AUH: variants seen among roughly 807,000 people sequenced by gnomAD.
The protein encoded by AUH is methylglutaconyl-CoA hydratase, mitochondrial.
Under a neutral mutation model 42.3 loss-of-function variants are expected in AUH, and 29 were observed. The ratio of observed to expected loss-of-function variants is 0.69; its 90% CI spans 0.51 to 0.93. The LOEUF is 0.93. Ranked by LOEUF, AUH falls within the 40% of genes least tolerant of loss-of-function variation. The probability of loss-of-function intolerance (pLI) is 0.00; values close to 1 mark genes in which losing one functional copy is unlikely to be tolerated. For missense variants in AUH, 452 were observed against 438.1 expected (o/e 1.03, Z -0.28); for synonymous variants, 174 against 166.4 (o/e 1.05, Z -0.35).
At chr9:91,284,161 C>T (rs1395315645) in intron 6 of AUH, among the ~76,000 whole-genome samples, 4 of 152,040 alleles carry the variant, frequency 2.6e-5, no homozygotes, top group Non-Finnish European at 5.9e-5. Flanking sequence ...TAATACCACA[C>T]ATCTACAACC....
At position 91,361,491 on chromosome 9, in the gene AUH, G is replaced by A. The variant is rs1832848356; in HGVS notation, c.262+137C>T. The A allele has an allele frequency of 1.0e-5, 13 of 1,250,560 alleles. No homozygotes were observed. The Admixed American group carries it at 3.2e-4, about 31-fold the overall frequency. 77.5% of individuals were successfully genotyped at this position (1,250,560 alleles called of 1,614,324 possible). A position where few individuals can be genotyped will look rare whatever the true frequency, so the allele number is the denominator to read the frequency against. ...CCACGCTGGGTGAGTAGGGAGGTGA[G>A]AAAGGGGAGGGACCCAGGTTCGGTG... is the stretch of plus-strand genomic sequence containing the variant. On this transcript the variant is annotated intron_variant, in intron 1 of 9. Transcript: ENST00000375731.
chr9:91,282,654 C>T (rs1826063361), intron 6 of AUH, among the ~76,000 whole-genome samples: 2 of 152,148 alleles, frequency 1.3e-5, no homozygotes, highest in South Asian at 4.1e-4. Flanking sequence ...CACGGAAATA[C>T]AAACTACCAT....
At chr9:91,217,140 G>A (rs780228199) in intron 8 of AUH, 137 bp downstream of exon 8, 1 of 869,376 alleles carries the variant, frequency 1.2e-6, no homozygotes, top group Non-Finnish European at 1.8e-6. Context: ...AGGAACTTCA[G>A]TAGCTTTCAG....
intron 6 of AUH, among the ~76,000 whole-genome samples, chr9:91,245,136 C>A (rs1828723999): frequency 1.3e-5 from 2 of 152,236 alleles, no homozygotes; most frequent in South Asian, 2.1e-4. Flanking sequence ...GACACAGTTG[C>A]ATGGCACAAG....
intron 6 of AUH, among the ~76,000 whole-genome samples, chr9:91,293,475 C>T (rs1429600424): frequency 6.6e-6 from 1 of 152,192 alleles, no homozygotes; most frequent in Non-Finnish European, 1.5e-5. Context: ...TAAAGAAGAT[C>T]AAACTAGCCA....
Position 91,331,597 on chromosome 9 carries a change from C to G in AUH, c.419-6193G>C, listed in dbSNP as rs184953405. 2.6e-4 allele frequency among the ~76,000 whole-genome samples: 40 copies of G among 152,240 alleles called. No homozygotes were observed. The East Asian group carries it at 7.3e-3, about 28-fold the overall frequency. On this transcript the variant is annotated intron_variant, in intron 3 of 9. Transcript: ENST00000375731. ...TATATAGTTGGAAATGTATAATACA[C>G]TAAGTAGACAACGCATGGAATTGAT...
At chr9:91,313,521 A>G (rs923922708) in intron 4 of AUH, among the ~76,000 whole-genome samples, 1 of 151,266 alleles carries the variant, frequency 6.6e-6, no homozygotes. Flanking sequence ...CTGGCTAACA[A>G]GGTGAAACCC....
chr9:91,356,194 G>T, intron 1 of AUH, 39 bp from the exon 2 acceptor site: 1 of 1,547,718 alleles, frequency 6.5e-7, no homozygotes, highest in South Asian at 1.1e-5. Flanking sequence ...ACTTGAGTGA[G>T]CAAGGCATTC....
intron 6 of AUH, among the ~76,000 whole-genome samples, chr9:91,230,325 T>C (rs1490876808): frequency 1.3e-5 from 2 of 152,198 alleles, no homozygotes; most frequent in East Asian, 3.9e-4. Context: ...TGCTGATACC[T>C]TTTCTTCCAG....
At chr9:91,285,746 A>G (rs1046204429) in intron 6 of AUH, among the ~76,000 whole-genome samples, 2 of 152,158 alleles carry the variant, frequency 1.3e-5, no homozygotes, top group African/African-American at 4.8e-5. Flanking sequence ...AATTACACAA[A>G]AAGAACTAGT....
At chr9:91,241,506 T>C (rs190832878) in intron 6 of AUH, among the ~76,000 whole-genome samples, 49 of 152,292 alleles carry the variant, frequency 3.2e-4, no homozygotes, top group Non-Finnish European at 1.5e-4. Context: ...GATTTTGTGT[T>C]AGGTTTTCCT....
chr9:91,223,874 A>G (rs746722283), intron 6 of AUH, among the ~76,000 whole-genome samples: 1 of 152,158 alleles, frequency 6.6e-6, no homozygotes, highest in Non-Finnish European at 1.5e-5. Flanking sequence ...ATCTGTTTTG[A>G]GTTTCTTCCC....
chr9:91,306,424 C>G (rs1248407425), intron 4 of AUH: 1 of 973,634 alleles, frequency 1.0e-6, no homozygotes, highest in East Asian at 1.1e-4. Context: ...AATGCAGTCA[C>G]TTCTATTTCT....
chr9:91,332,372 G>A (rs1469755186), intron 3 of AUH, among the ~76,000 whole-genome samples: 1 of 151,966 alleles, frequency 6.6e-6, no homozygotes, highest in Non-Finnish European at 1.5e-5. Flanking sequence ...AGTGGTGGCG[G>A]GTGCCTGTAA....
intron 4 of AUH, among the ~76,000 whole-genome samples, chr9:91,302,010 T>A (rs1827822205): frequency 6.6e-6 from 1 of 152,220 alleles, no homozygotes; most frequent in Non-Finnish European, 1.5e-5. Context: ...CATTTTACAA[T>A]ATTATAAATT....
chr9:91,238,723 T>G (rs923580921), intron 6 of AUH, among the ~76,000 whole-genome samples: 2 of 152,252 alleles, frequency 1.3e-5, no homozygotes, highest in African/African-American at 4.8e-5. Flanking sequence ...CTCCTGCGAT[T>G]ATACTACTTA....
At chr9:91,217,079 T>C (rs1283053220) in intron 8 of AUH, among the ~76,000 whole-genome samples, 198 bp downstream of exon 8, 1 of 152,236 alleles carries the variant, frequency 6.6e-6, no homozygotes, top group Non-Finnish European at 1.5e-5. Context: ...TCTGTGCTTG[T>C]GATACTGAAT....
chr9:91,305,905 C>G (rs1828181255), intron 4 of AUH, among the ~76,000 whole-genome samples: 1 of 152,178 alleles, frequency 6.6e-6, no homozygotes, highest in Non-Finnish European at 1.5e-5. Context: ...GTAAGCCATC[C>G]TTCCATCCTT....
chr9:91,323,637 C>T (rs1829757344), intron 4 of AUH, among the ~76,000 whole-genome samples: 1 of 149,208 alleles, frequency 6.7e-6, no homozygotes, highest in South Asian at 2.1e-4. Flanking sequence ...AAAAAAAAAA[C>T]TTAATAACTT....
Sources: allele counts gnomAD v4.1 joint callset (sites outside exome capture counted in the v4.1 genomes callset), GRCh38; gene constraint gnomAD v4.1.1; transcripts MANE v1.5; gene names NCBI Gene and HGNC (gene_info 2026-07-23, HGNC 2026-07-21).